Variants in ASTN2 observed in about 807,000 individuals in gnomAD.
The protein encoded by ASTN2 is astrotactin 2, also known as astrotactin-2.
In ASTN2, 54 loss-of-function variants were observed where a neutral mutation model predicts 139.8. That is an observed-to-expected ratio of 0.39 (90% CI 0.31 to 0.48). The LOEUF (loss-of-function observed/expected upper bound fraction) is 0.48. Ranked by LOEUF, ASTN2 falls within the 20% of genes least tolerant of loss-of-function variation. The pLI, the probability that ASTN2 is intolerant of heterozygous loss-of-function variation, is 0.95. For missense variants in ASTN2, 1,565 were observed against 1,725.1 expected (o/e 0.91, Z 1.64); for synonymous variants, 756 against 719.5 (o/e 1.05, Z -0.81).
intron 1 of ASTN2, among the ~76,000 whole-genome samples, chr9:117,372,797 G>T (rs989826885): frequency 6.6e-6 from 1 of 152,096 alleles, no homozygotes; most frequent in Non-Finnish European, 1.5e-5. Flanking sequence ...GCTAACCCCT[G>T]GATGGTGTTG....
chr9:117,324,361 G>C (rs1316564408), intron 1 of ASTN2, among the ~76,000 whole-genome samples: 1 of 152,190 alleles, frequency 6.6e-6, no homozygotes, highest in Non-Finnish European at 1.5e-5. Flanking sequence ...GGTTTAATTG[G>C]TTCACAGTTC....
intron 1 of ASTN2, among the ~76,000 whole-genome samples, chr9:117,371,545 T>C (rs1304053801): frequency 6.6e-6 from 1 of 152,102 alleles, no homozygotes; most frequent in Non-Finnish European, 1.5e-5. Flanking sequence ...AACGTGGATT[T>C]GAATCCCATC....
At chr9:116,933,544 C>T (rs1229515669) in intron 10 of ASTN2, among the ~76,000 whole-genome samples, 2 of 151,956 alleles carry the variant, frequency 1.3e-5, no homozygotes, top group Non-Finnish European at 2.9e-5. Context: ...GCATTCATTT[C>T]ACAAGAGGGG....
intron 10 of ASTN2, among the ~76,000 whole-genome samples, chr9:116,921,460 C>T (rs966921459): frequency 6.6e-6 from 1 of 151,804 alleles, no homozygotes; most frequent in Non-Finnish European, 1.5e-5. Flanking sequence ...TGGTGGAGGT[C>T]GCCTGTAGTC....
At chr9:117,104,956 T>C (rs552866083) in intron 4 of ASTN2, among the ~76,000 whole-genome samples, 1 of 152,310 alleles carries the variant, frequency 6.6e-6, no homozygotes, top group South Asian at 2.1e-4. Context: ...CTTAAATAAC[T>C]ACTTACGAGG....
At chr9:116,739,459 A>G (rs1463851543) in intron 13 of ASTN2, among the ~76,000 whole-genome samples, 1 of 149,936 alleles carries the variant, frequency 6.7e-6, no homozygotes, top group Non-Finnish European at 1.5e-5. Flanking sequence ...CCCACTTAGA[A>G]TTTGCCCTCT....
At chr9:116,913,532 A>G (rs1177138594) in intron 10 of ASTN2, among the ~76,000 whole-genome samples, 2 of 152,180 alleles carry the variant, frequency 1.3e-5, no homozygotes, top group African/African-American at 4.8e-5. Context: ...GGGAAGGATG[A>G]TTTGGGCATG....
intron 5 of ASTN2, among the ~76,000 whole-genome samples, chr9:117,062,795 T>C (rs532928698): frequency 2.5e-4 from 38 of 152,334 alleles, no homozygotes; most frequent in African/African-American, 9.1e-4. Flanking sequence ...CATATTTATG[T>C]CTAGTGAAAG....
intron 16 of ASTN2, among the ~76,000 whole-genome samples, chr9:116,671,669 G>T (rs1021304570): frequency 6.9e-6 from 1 of 145,922 alleles, no homozygotes; most frequent in Admixed American, 7.2e-5. Flanking sequence ...AACTTCCATT[G>T]TATTAGACTC....
chr9:117,241,686 A>T (rs561795830), intron 2 of ASTN2, among the ~76,000 whole-genome samples: 3 of 152,260 alleles, frequency 2.0e-5, no homozygotes, highest in Non-Finnish European at 4.4e-5. Flanking sequence ...CAGTGGCTCA[A>T]ATCATGTGGT....
At chr9:116,447,920 C>T (rs919132574) in intron 20 of ASTN2, among the ~76,000 whole-genome samples, 2 of 152,090 alleles carry the variant, frequency 1.3e-5, no homozygotes, top group African/African-American at 4.8e-5. Context: ...GCTATTGGTC[C>T]CATCCAAGAC....
At chr9:117,241,932 C>T (rs12380060) in intron 2 of ASTN2, among the ~76,000 whole-genome samples, 1 of 147,768 alleles carries the variant, frequency 6.8e-6, no homozygotes, top group African/African-American at 2.5e-5. Flanking sequence ...TTACCCCCCC[C>T]CACACACACA....
intron 13 of ASTN2, among the ~76,000 whole-genome samples, chr9:116,803,468 A>C (rs1830923328): frequency 7.4e-6 from 1 of 134,580 alleles, no homozygotes; most frequent in African/African-American, 2.6e-5. Context: ...GACATGTACC[A>C]CCAAGTTCGA....
intron 11 of ASTN2, among the ~76,000 whole-genome samples, chr9:116,856,916 C>G (rs923952187): frequency 7.9e-5 from 12 of 152,220 alleles, no homozygotes; most frequent in African/African-American, 2.9e-4. Context: ...CACCATCACT[C>G]TAAGACCCAG....
At chr9:116,607,321 T>G (rs1855257941) in intron 19 of ASTN2, among the ~76,000 whole-genome samples, 1 of 152,156 alleles carries the variant, frequency 6.6e-6, no homozygotes, top group South Asian at 2.1e-4. Flanking sequence ...CATCATCTTG[T>G]ATCTTTAAAA....
At chr9:117,222,028 C>G (rs536019857) in intron 2 of ASTN2, among the ~76,000 whole-genome samples, 30 of 152,262 alleles carry the variant, frequency 2.0e-4, no homozygotes, top group African/African-American at 7.0e-4. Context: ...TTCCATTTCT[C>G]TCTACTCTAT....
intron 5 of ASTN2, among the ~76,000 whole-genome samples, chr9:117,080,139 G>C (rs1828387892): frequency 6.6e-6 from 1 of 152,202 alleles, no homozygotes; most frequent in Non-Finnish European, 1.5e-5. Context: ...GGAACAGGCA[G>C]AGTATAAATA....
At chr9:116,495,453 C>T (rs1849639699) in intron 19 of ASTN2, among the ~76,000 whole-genome samples, 1 of 152,144 alleles carries the variant, frequency 6.6e-6, no homozygotes, top group Non-Finnish European at 1.5e-5. Flanking sequence ...CAGACTAACT[C>T]CAGGTACAGA....
intron 7 of ASTN2, among the ~76,000 whole-genome samples, chr9:116,990,274 T>C (rs1288268333): frequency 6.6e-6 from 1 of 152,172 alleles, no homozygotes; most frequent in Non-Finnish European, 1.5e-5. Context: ...TTTTGTTTGT[T>C]TGTTTGCTTT....
Sources: allele counts gnomAD v4.1 joint callset (sites outside exome capture counted in the v4.1 genomes callset), GRCh38; gene constraint gnomAD v4.1.1; transcripts MANE v1.5; gene names NCBI Gene and HGNC (gene_info 2026-07-23, HGNC 2026-07-21).